Variants in CSMD1 observed in about 807,000 individuals in gnomAD.
The protein encoded by CSMD1 is CUB and sushi domain-containing protein 1.
In CSMD1, 213 loss-of-function variants were observed where a neutral mutation model predicts 417.5. The observed-to-expected ratio is 0.51, with a 90% CI of 0.46 to 0.57. The LOEUF (loss-of-function observed/expected upper bound fraction) is 0.57, where lower values mean the gene tolerates loss of function less well. CSMD1 is among the 20% of genes least tolerant of loss of function. The probability of loss-of-function intolerance (pLI) is 0.00; values close to 1 mark genes in which losing one functional copy is unlikely to be tolerated. For missense variants in CSMD1, 6,923 were observed against 4,529.7 expected, an observed-to-expected ratio of 1.53 and a Z score of -15.17; for synonymous variants, 2,862 against 1,736.8, an observed-to-expected ratio of 1.65 and a Z score of -16.11.
chr8:4,262,301 G>A (rs973181897), intron 3 of CSMD1, among the ~76,000 whole-genome samples: 6 of 152,060 alleles, frequency 3.9e-5, no homozygotes, highest in Non-Finnish European at 4.4e-5. Flanking sequence ...TTGCTGCCAG[G>A]CGTCCACAGG....
chr8:4,351,004 A>C (rs780529629), intron 3 of CSMD1, among the ~76,000 whole-genome samples: 1 of 152,196 alleles, frequency 6.6e-6, no homozygotes, highest in Non-Finnish European at 1.5e-5. Context: ...CTTAATCGAA[A>C]TTAAAGTTCT....
At chr8:3,983,745 T>C (rs1464438481) in intron 5 of CSMD1, among the ~76,000 whole-genome samples, 2 of 152,202 alleles carry the variant, frequency 1.3e-5, no homozygotes, top group African/African-American at 2.4e-5. Flanking sequence ...CCTAGTCTGG[T>C]AGCATCTGAT....
intron 23 of CSMD1, among the ~76,000 whole-genome samples, chr8:3,310,887 T>A (rs902772160): frequency 6.6e-6 from 1 of 152,118 alleles, no homozygotes; most frequent in African/African-American, 2.4e-5. Flanking sequence ...TCTGGAGTTT[T>A]AAAAAAAGTT....
intron 3 of CSMD1, among the ~76,000 whole-genome samples, chr8:4,045,992 A>G (rs1798127917): frequency 6.6e-6 from 1 of 152,192 alleles, no homozygotes; most frequent in African/African-American, 2.4e-5. Flanking sequence ...GATATAATTC[A>G]AAATAATGGT....
chr8:3,825,380 T>G (rs890734169), intron 5 of CSMD1, among the ~76,000 whole-genome samples: 9 of 152,052 alleles, frequency 5.9e-5, no homozygotes, highest in Middle Eastern at 3.4e-3. Flanking sequence ...AAATACAAAA[T>G]TAGCCAGGGG....
At chr8:3,623,985 A>G in intron 7 of CSMD1, among the ~76,000 whole-genome samples, 1 of 152,012 alleles carries the variant, frequency 6.6e-6, no homozygotes, top group African/African-American at 2.4e-5. Flanking sequence ...AAAAAACAAA[A>G]CAAAACAAAA....
chr8:3,054,131 T>C (rs1486801689), intron 49 of CSMD1, among the ~76,000 whole-genome samples: 2 of 152,220 alleles, frequency 1.3e-5, no homozygotes, highest in Non-Finnish European at 2.9e-5. Flanking sequence ...GCACAGGTTA[T>C]CTCCGGTATT....
intron 7 of CSMD1, among the ~76,000 whole-genome samples, chr8:3,640,977 G>C (rs1042262214): frequency 4.8e-5 from 7 of 144,842 alleles, no homozygotes; most frequent in Non-Finnish European, 9.0e-5. Flanking sequence ...ATAAGCTTTA[G>C]AAAATATACC....
chr8:4,301,362 T>C (rs1248109058), intron 3 of CSMD1, among the ~76,000 whole-genome samples: 1 of 152,214 alleles, frequency 6.6e-6, no homozygotes, highest in East Asian at 1.9e-4. Flanking sequence ...ACTGTACCAC[T>C]TCCAGCCCTT....
chr8:3,967,748 G>C (rs986798802), intron 5 of CSMD1, among the ~76,000 whole-genome samples: 8 of 152,098 alleles, frequency 5.3e-5, no homozygotes, highest in East Asian at 1.9e-4. Context: ...CAAGAAGAAA[G>C]AACCTAATTT....
intron 7 of CSMD1, among the ~76,000 whole-genome samples, chr8:3,676,264 C>T (rs918294758): frequency 2.6e-5 from 4 of 152,076 alleles, no homozygotes; most frequent in Non-Finnish European, 2.9e-5. Flanking sequence ...TGATCCCTGG[C>T]CCTAAGTATT....
chr8:3,455,921 G>A (rs1816094197), intron 12 of CSMD1, among the ~76,000 whole-genome samples: 2 of 152,230 alleles, frequency 1.3e-5, no homozygotes, highest in African/African-American at 4.8e-5. Context: ...GGAGTCTACA[G>A]AGGCAGGCAG....
intron 3 of CSMD1, among the ~76,000 whole-genome samples, chr8:4,147,792 A>G (rs993894479): frequency 1.9e-4 from 29 of 152,160 alleles, no homozygotes; most frequent in South Asian, 2.1e-4. Flanking sequence ...GCCTGACCCA[A>G]TGTGCCGACT....
intron 21 of CSMD1, among the ~76,000 whole-genome samples, chr8:3,350,703 A>T (rs11785665): frequency 0.17 from 26,438 of 152,134 alleles, 2,319 homozygotes; most frequent in Middle Eastern, 0.25. Flanking sequence ...AGCATTTAGG[A>T]CATTAGCTAT....
At chr8:4,858,610 A>G (rs1801945795) in intron 1 of CSMD1, among the ~76,000 whole-genome samples, 1 of 152,132 alleles carries the variant, frequency 6.6e-6, no homozygotes, top group Admixed American at 6.6e-5. Flanking sequence ...AAGCATTCTT[A>G]TACACCAACA....
chr8:3,264,666 C>T (rs1273924868), intron 26 of CSMD1, among the ~76,000 whole-genome samples: 1 of 152,098 alleles, frequency 6.6e-6, no homozygotes, highest in Admixed American at 6.5e-5. Flanking sequence ...CTCATCAAAA[C>T]TGTGGGGTCG....
At chr8:3,869,962 A>C (rs528408894) in intron 5 of CSMD1, among the ~76,000 whole-genome samples, 1 of 151,994 alleles carries the variant, frequency 6.6e-6, no homozygotes, top group South Asian at 2.1e-4. Context: ...TGTCATCTAT[A>C]TATTTTAAAA....
chr8:4,371,535 T>C (rs1584971832), intron 3 of CSMD1, among the ~76,000 whole-genome samples: 1 of 152,262 alleles, frequency 6.6e-6, no homozygotes, highest in Non-Finnish European at 1.5e-5. Flanking sequence ...AGAGACAATA[T>C]CGTTATAAAT....
intron 42 of CSMD1, among the ~76,000 whole-genome samples, chr8:3,114,863 C>T (rs911395895): frequency 2.0e-5 from 3 of 151,672 alleles, no homozygotes; most frequent in Non-Finnish European, 2.9e-5. Flanking sequence ...TTGTTTTCTG[C>T]TTACAAAATC....
Sources: gnomAD v4.1 joint callset for allele counts (sites outside exome capture counted in the v4.1 genomes callset) on GRCh38, gnomAD v4.1.1 for gene constraint, MANE v1.5 for transcripts, NCBI Gene and HGNC (gene_info 2026-07-23, HGNC 2026-07-21) for gene names.